Variants in RNF216 observed in about 807,000 individuals in gnomAD.
RNF216 encodes the protein ring finger protein 216.
In RNF216, 72 loss-of-function variants were observed where a neutral mutation model predicts 110.8. The observed-to-expected ratio is 0.65, with a 90% CI of 0.54 to 0.79. RNF216 has a LOEUF of 0.79. Among genes scored for constraint, RNF216 ranks in the 30% least tolerant of loss-of-function variants. RNF216 has a pLI of 0.00. For missense variants in RNF216, 1,342 were observed against 1,141.2 expected (o/e 1.18, Z -2.54); for synonymous variants, 495 against 407.5 (o/e 1.21, Z -2.59).
At chr7:5,652,279 A>C in intron 14 of RNF216, 134 bp downstream of exon 14, 1 of 650,724 alleles carries the variant, frequency 1.5e-6, no homozygotes, top group South Asian at 1.8e-5. Flanking sequence ...GGGTTAGATT[A>C]CTTCCCCAAG....
At position 5,624,182 on chromosome 7, in the gene RNF216, C is replaced by A; in HGVS notation, c.2383-57G>T. 1 of 1,485,214 alleles carries A rather than the reference C, an allele frequency of 6.7e-7. No homozygotes were observed. The highest frequency in any genetic ancestry group is 9.3e-7 in the Non-Finnish European group (1 of 1,074,644). The allele number at this position is 1,485,214 out of a possible 1,614,324, so 92.0% of individuals were successfully genotyped here. ...GTAGCTTCATGCAGTGCTGAGGCCC[C>A]GTGGGACAGTGAGGAGGCCGCTTGT... On this transcript the variant is annotated intron_variant, in intron 15 of 16. Transcript: ENST00000389902. This position sits in a 1 kb window ranked among gnomAD's most constrained non-coding sequence, Gnocchi z 4.4.
At chr7:5,692,481 T>C (rs1350169647) in intron 13 of RNF216, among the ~76,000 whole-genome samples, 1 of 152,204 alleles carries the variant, frequency 6.6e-6, no homozygotes, top group East Asian at 1.9e-4. Flanking sequence ...AAAGCCATAC[T>C]AATTCCCGCG....
At chr7:5,679,435 C>T (rs761653831) in intron 13 of RNF216, among the ~76,000 whole-genome samples, 7 of 152,244 alleles carry the variant, frequency 4.6e-5, no homozygotes, top group East Asian at 1.9e-4. Context: ...AGGCGCTGAG[C>T]GCACTGGTGC....
At chr7:5,765,807 T>C (rs1186968697) in intron 1 of RNF216, among the ~76,000 whole-genome samples, 2 of 120,504 alleles carry the variant, frequency 1.7e-5, no homozygotes, top group East Asian at 2.9e-4. Context: ...AAAAAAAAAA[T>C]TAGCCAGGCG....
chr7:5,725,008 C>T (rs1368876093), intron 8 of RNF216, among the ~76,000 whole-genome samples: 2 of 152,150 alleles, frequency 1.3e-5, no homozygotes, highest in Non-Finnish European at 2.9e-5. Context: ...ACAGCCAATT[C>T]GCATCAAACC....
At chr7:5,679,212 G>A (rs945315440) in intron 13 of RNF216, among the ~76,000 whole-genome samples, 9 of 146,322 alleles carry the variant, frequency 6.2e-5, no homozygotes, top group East Asian at 1.9e-4. Flanking sequence ...GTGCGGTGGC[G>A]GGGGGGCGGT....
intron 3 of RNF216, among the ~76,000 whole-genome samples, chr7:5,743,655 T>C (rs115265330): frequency 6.6e-6 from 1 of 152,222 alleles, no homozygotes; most frequent in Non-Finnish European, 1.5e-5. Flanking sequence ...TGTACCCACA[T>C]GTATATACAC....
intron 7 of RNF216, among the ~76,000 whole-genome samples, chr7:5,726,381 C>T (rs944595355): frequency 7.9e-5 from 12 of 152,156 alleles, no homozygotes; most frequent in African/African-American, 2.4e-5. Context: ...TGTTGTTTCT[C>T]TGGTCAATGC....
intron 8 of RNF216, among the ~76,000 whole-genome samples, chr7:5,721,818 T>C (rs1448980455): frequency 2.0e-5 from 3 of 152,252 alleles, no homozygotes; most frequent in Non-Finnish European, 2.9e-5. Context: ...GTACCTAGAT[T>C]CACCACAATA....
intron 14 of RNF216, 72 bp downstream of exon 14, chr7:5,652,341 C>T: frequency 2.7e-6 from 3 of 1,092,520 alleles, no homozygotes; most frequent in East Asian, 2.4e-5. Flanking sequence ...ACAGTATGCC[C>T]TCTCTACCAA....
chr7:5,700,368 A>G (rs1319982690), intron 13 of RNF216, among the ~76,000 whole-genome samples: 1 of 152,236 alleles, frequency 6.6e-6, no homozygotes, highest in Non-Finnish European at 1.5e-5. Flanking sequence ...AAGGAGGTAA[A>G]ACATTTCTTA....
At chr7:5,755,729 G>A (rs879808264) in intron 2 of RNF216, among the ~76,000 whole-genome samples, 1 of 152,116 alleles carries the variant, frequency 6.6e-6, no homozygotes, top group Non-Finnish European at 1.5e-5. Flanking sequence ...TGGCAGTTTA[G>A]GCTACTGTGG....
chr7:5,668,739 C>T (rs749188451), intron 13 of RNF216, among the ~76,000 whole-genome samples: 4 of 152,156 alleles, frequency 2.6e-5, no homozygotes, highest in African/African-American at 4.8e-5. Context: ...CGAGGAAGAA[C>T]GCTGTTAGGA....
intron 3 of RNF216, among the ~76,000 whole-genome samples, chr7:5,742,627 G>A (rs868548684): frequency 3.8e-5 from 4 of 106,180 alleles, no homozygotes; most frequent in South Asian, 6.1e-4. Flanking sequence ...ACAGAGTCTC[G>A]CTCTATTGCC....
intron 2 of RNF216, among the ~76,000 whole-genome samples, chr7:5,758,400 A>G (rs1019204963): frequency 6.6e-6 from 1 of 152,232 alleles, no homozygotes; most frequent in African/African-American, 2.4e-5. Flanking sequence ...ATTTGACCTA[A>G]TAAAATTTGC....
At chr7:5,706,286 T>C (rs150843286) in intron 13 of RNF216, among the ~76,000 whole-genome samples, 1 of 152,098 alleles carries the variant, frequency 6.6e-6, no homozygotes, top group African/African-American at 2.4e-5. Flanking sequence ...TAACACATTT[T>C]TAAGTGTACA....
intron 13 of RNF216, among the ~76,000 whole-genome samples, chr7:5,668,103 T>C (rs1172345730): frequency 6.6e-6 from 1 of 152,124 alleles, no homozygotes; most frequent in African/African-American, 2.4e-5. Context: ...TTTGTGGATA[T>C]CAGACAGGAC....
In RNF216 at chr7:5,776,943, AG is replaced by A. The variant is rs1377039272; in HGVS notation, c.-70+4597del. Reference sequence around the variant, plus strand: ...GAGAGAGAGAAAAAGAGAGAGAGAGAGAAAAAAAGAAAGAAAGAAAGAAAAA... The same window carrying A: ...GAGAGAGAGAAAAAGAGAGAGAGAGAAAAAAAAGAAAGAAAGAAAGAAAAA... On this transcript the variant is annotated intron_variant, in intron 1 of 16. Coordinates refer to ENST00000389902, the MANE Select transcript of RNF216 (RefSeq NM_207111.4). Among the ~76,000 whole-genome samples the A allele has an allele frequency of 2.0e-4, 24 of 121,758 alleles. No homozygotes were observed. The East Asian group carries it at 4.9e-3, about 25-fold the overall frequency. The allele number at this position is 121,758 out of a possible 152,430, so 79.9% of individuals were successfully genotyped here.
intron 15 of RNF216, among the ~76,000 whole-genome samples, chr7:5,628,680 TCTGA>T (rs975938127): frequency 2.2e-5 from 3 of 137,458 alleles, no homozygotes; most frequent in Non-Finnish European, 4.6e-5. Flanking sequence ...CACCACCATA[TCTGA>T]CTTTTTTTTT....
Sources: allele counts gnomAD v4.1 joint callset (sites outside exome capture counted in the v4.1 genomes callset), GRCh38; gene constraint gnomAD v4.1.1; non-coding constraint Gnocchi (gnomAD v3.1); transcripts MANE v1.5; gene names NCBI Gene and HGNC (gene_info 2026-07-23, HGNC 2026-07-21).